The following TENM4 variants were observed in gnomAD, a reference collection of about 807,000 sequenced individuals.
TENM4 encodes teneurin transmembrane protein 4.
TENM4 carries 82 observed loss-of-function variants against 243.3 expected under a neutral mutation model. The ratio of observed to expected loss-of-function variants is 0.34; its 90% CI spans 0.28 to 0.40. The LOEUF is 0.40. Ranked by LOEUF, TENM4 falls within the 10% of genes least tolerant of loss-of-function variation. TENM4 has a pLI of 1.00. For synonymous variants in TENM4, 1,412 were observed against 1,456.3 expected (o/e 0.97, Z 0.69); for missense variants, 3,138 against 3,673.3 (o/e 0.85, Z 3.77).
chr11:78,802,446 T>G (rs1453855223), intron 15 of TENM4, among the ~76,000 whole-genome samples: 3 of 152,258 alleles, frequency 2.0e-5, no homozygotes, highest in Non-Finnish European at 4.4e-5. Context: ...CAGCAGTTCC[T>G]GCACAGCAGG....
intron 2 of TENM4, among the ~76,000 whole-genome samples, chr11:79,270,504 C>T (rs1308330949): frequency 6.6e-6 from 1 of 152,168 alleles, no homozygotes. Flanking sequence ...TCAAACTCCC[C>T]ACATGGTACC....
intron 15 of TENM4, among the ~76,000 whole-genome samples, chr11:78,795,240 C>T (rs1318884679): frequency 1.3e-5 from 2 of 152,138 alleles, no homozygotes; most frequent in Non-Finnish European, 2.9e-5. Context: ...ATTAGTCTAC[C>T]TGAGTTGTCT....
At chr11:78,720,890 C>T (rs1859633072) in intron 24 of TENM4, among the ~76,000 whole-genome samples, 1 of 151,600 alleles carries the variant, frequency 6.6e-6, no homozygotes, top group Admixed American at 6.6e-5. Flanking sequence ...AGAAACAGGC[C>T]TAGGAAAAAA....
chr11:79,243,756 A>G (rs1010297324), intron 2 of TENM4, among the ~76,000 whole-genome samples: 1 of 152,186 alleles, frequency 6.6e-6, no homozygotes, highest in Non-Finnish European at 1.5e-5. Flanking sequence ...CAATGCACTA[A>G]TGCAGGGCGC....
chr11:79,429,119 A>T (rs571370025), intron 1 of TENM4, among the ~76,000 whole-genome samples: 2 of 152,316 alleles, frequency 1.3e-5, no homozygotes, highest in African/African-American at 4.8e-5. Context: ...TCTCATTTTT[A>T]ACATGATCAA....
chr11:79,146,718 G>C lies in TENM4; in HGVS notation c.-66+1992C>G, dbSNP rs1057423545. Reference sequence around the variant, plus strand: ...TATCCTAAGCACTTTCTTGGTGTGAGAGATACATCCTATGCTGCATCCTCC... The same window carrying C: ...TATCCTAAGCACTTTCTTGGTGTGACAGATACATCCTATGCTGCATCCTCC... On this transcript the variant is annotated intron_variant, in intron 4 of 33. Coordinates refer to ENST00000278550, the MANE Select transcript of TENM4 (RefSeq NM_001098816.3). 2.6e-5 allele frequency among the ~76,000 whole-genome samples: 4 copies of C among 152,090 alleles called. No homozygotes were observed. In the East Asian group the frequency reaches 5.8e-4, roughly 22 times the overall value.
At chr11:78,661,397 C>A (rs1858026361) in intron 33 of TENM4, 52 bp downstream of exon 33, 1 of 1,577,858 alleles carries the variant, frequency 6.3e-7, no homozygotes, top group Non-Finnish European at 8.6e-7. Flanking sequence ...AAGGGACCCC[C>A]TCCAGTAATG....
intron 32 of TENM4, among the ~76,000 whole-genome samples, chr11:78,664,437 G>A (rs1343032031): frequency 6.6e-6 from 1 of 152,066 alleles, no homozygotes; most frequent in African/African-American, 2.4e-5. Flanking sequence ...TGTTGCCCAG[G>A]CTGGTTTGGA....
At chr11:79,197,750 G>C (rs1030221427) in intron 3 of TENM4, among the ~76,000 whole-genome samples, 13 of 152,186 alleles carry the variant, frequency 8.5e-5, no homozygotes, top group African/African-American at 1.2e-4. Flanking sequence ...TTTTGCTGGG[G>C]GACGTGGTGG....
At chr11:78,723,230 G>C (rs1855441033) in intron 23 of TENM4, among the ~76,000 whole-genome samples, 2 of 152,260 alleles carry the variant, frequency 1.3e-5, no homozygotes, top group Non-Finnish European at 2.9e-5. Flanking sequence ...GAGCTCCAGA[G>C]TCTGGGCGCT....
intron 4 of TENM4, among the ~76,000 whole-genome samples, chr11:79,135,552 C>T (rs1282615610): frequency 6.6e-6 from 1 of 151,864 alleles, no homozygotes; most frequent in Non-Finnish European, 1.5e-5. Flanking sequence ...CTTGCACATG[C>T]ATGTTTATAG....
chr11:78,848,902 AACAGACTGATTT>A (rs1277376038), intron 12 of TENM4, among the ~76,000 whole-genome samples: 1 of 152,214 alleles, frequency 6.6e-6, no homozygotes, highest in Non-Finnish European at 1.5e-5. Flanking sequence ...GGACATAAAG[AACAGACTGATTT>A]ACAGCAACCA....
intron 31 of TENM4, among the ~76,000 whole-genome samples, chr11:78,671,659 T>G (rs914360117): frequency 6.6e-6 from 1 of 152,226 alleles, no homozygotes; most frequent in Non-Finnish European, 1.5e-5. Context: ...CTCCTGCCTA[T>G]GTACTGATGC....
At chr11:79,251,158 G>A (rs924291205) in intron 2 of TENM4, among the ~76,000 whole-genome samples, 1 of 152,148 alleles carries the variant, frequency 6.6e-6, no homozygotes, top group Non-Finnish European at 1.5e-5. Context: ...TAACATCCAC[G>A]TGGGGGAAAA....
At chr11:79,423,197 T>C (rs538769210) in intron 1 of TENM4, among the ~76,000 whole-genome samples, 6 of 152,130 alleles carry the variant, frequency 3.9e-5, no homozygotes, top group Non-Finnish European at 7.4e-5. Context: ...AGAGGTAACA[T>C]TGACTAAGCA....
chr11:79,404,970 G>C (rs1406799250), intron 1 of TENM4, among the ~76,000 whole-genome samples: 1 of 152,100 alleles, frequency 6.6e-6, no homozygotes, highest in Admixed American at 6.5e-5. Flanking sequence ...CTAGCACAGG[G>C]AGTGTGCAGC....
intron 6 of TENM4, among the ~76,000 whole-genome samples, chr11:78,962,679 T>G (rs1446753466): frequency 2.0e-5 from 3 of 152,228 alleles, no homozygotes; most frequent in Non-Finnish European, 2.9e-5. Context: ...GGCTAGGTGA[T>G]CTATCAAACA....
chr11:78,780,165 A>T (rs995644674), intron 16 of TENM4, among the ~76,000 whole-genome samples: 1 of 152,254 alleles, frequency 6.6e-6, no homozygotes, highest in Non-Finnish European at 1.5e-5. Context: ...AAACAAAGCT[A>T]TGGAATGCCA....
Position 79,440,930 on chromosome 11 carries a change from T to G in TENM4, c.-742A>C, listed in dbSNP as rs1015932185. The G allele has an allele frequency of 3.3e-5, 5 of 152,638 alleles. No homozygotes were observed. The highest frequency in any genetic ancestry group is 1.2e-4 in the African/African-American group (5 of 41,292). 9.5% of individuals were successfully genotyped at this position (152,638 alleles called of 1,614,324 possible). ...TCCCCTCCCTGCCTGCTCGCCTGCCTGCCTCCGTCCCCCACCCTCGCTCTC... is the reference window on the plus strand; with the variant it reads ...TCCCCTCCCTGCCTGCTCGCCTGCCGGCCTCCGTCCCCCACCCTCGCTCTC... On this transcript the variant is annotated 5_prime_UTR_variant, in exon 1 of 34. Coordinates refer to ENST00000278550, the MANE Select transcript of TENM4 (RefSeq NM_001098816.3). The surrounding 1 kb of genome is among the most constrained non-coding windows in gnomAD (Gnocchi z 4.7).
Sources: allele counts gnomAD v4.1 joint callset (sites outside exome capture counted in the v4.1 genomes callset), GRCh38; gene constraint gnomAD v4.1.1; non-coding constraint Gnocchi (gnomAD v3.1); transcripts MANE v1.5; gene names NCBI Gene and HGNC (gene_info 2026-07-23, HGNC 2026-07-21).